SYT11: variants seen among roughly 807,000 people sequenced by gnomAD.
SYT11 encodes synaptotagmin 11, also known as synaptotagmin-11.
In SYT11, 12 loss-of-function variants were observed where a neutral mutation model predicts 30.4. That is an observed-to-expected ratio of 0.39 (90% CI 0.25 to 0.64). The LOEUF (loss-of-function observed/expected upper bound fraction) is 0.64, where lower values mean the gene tolerates loss of function less well. Among genes scored for constraint, SYT11 ranks in the 30% least tolerant of loss-of-function variants. SYT11 has a pLI of 0.45. For missense variants in SYT11, 412 were observed against 552.0 expected (o/e 0.75, Z 2.54); for synonymous variants, 204 against 216.0 (o/e 0.94, Z 0.49).
chr1:155,876,965 T>A (rs1324465761), intron 2 of SYT11, among the ~76,000 whole-genome samples: 2 of 8,686 alleles, frequency 2.3e-4, no homozygotes, highest in Non-Finnish European at 6.1e-3. Flanking sequence ...TTTCTATTTC[T>A]TTTTTTTTTT....
At position 155,879,610 on chromosome 1, in the gene SYT11, T is replaced by C. The variant is rs181230284; in HGVS notation, c.862-890T>C. ...TCACCCTGTGAAATGCAGGGACAGGTTCAGGGACTTGCCCAAGGACATGTG... is the reference window on the plus strand; with the variant it reads ...TCACCCTGTGAAATGCAGGGACAGGCTCAGGGACTTGCCCAAGGACATGTG... On this transcript the variant is annotated intron_variant, in intron 2 of 3. Transcript: ENST00000368324. 8.5e-5 allele frequency among the ~76,000 whole-genome samples: 13 copies of C among 152,176 alleles called. No homozygotes were observed. In the East Asian group the frequency reaches 2.5e-3, roughly 29 times the overall value.
At chr1:155,877,426 G>A (rs566682902) in intron 2 of SYT11, among the ~76,000 whole-genome samples, 1 of 151,960 alleles carries the variant, frequency 6.6e-6, no homozygotes, top group South Asian at 2.1e-4. Flanking sequence ...TTTTGACAGG[G>A]TCTCACTCTG....
At chr1:155,861,275 A>G (rs1418710465) in intron 1 of SYT11, among the ~76,000 whole-genome samples, 1 of 152,204 alleles carries the variant, frequency 6.6e-6, no homozygotes, top group Non-Finnish European at 1.5e-5. Context: ...TAAGTTTCCA[A>G]AACAAAAGTC....
In SYT11 at chr1:155,882,565, T is replaced by A. The variant is rs1231619190; in HGVS notation, c.*1057T>A. 6.6e-6 allele frequency: 1 copy of A among 152,362 alleles called. No homozygotes were observed. The highest frequency in any genetic ancestry group is 1.9e-4 in the East Asian group (1 of 5,340). 9.4% of individuals were successfully genotyped at this position (152,362 alleles called of 1,614,324 possible). A position where few individuals can be genotyped will look rare whatever the true frequency, so the allele number is the denominator to read the frequency against. On this transcript the variant is annotated 3_prime_UTR_variant, in exon 4 of 4. Coordinates refer to ENST00000368324, the MANE Select transcript of SYT11 (RefSeq NM_152280.5). ...ACAGAGAATACATCAGACTTATGCA[T>A]CCAAGACATCAGAACTTGGATTTTA... is the stretch of plus-strand genomic sequence containing the variant.
chr1:155,882,440 G>A lies in SYT11; in HGVS notation c.*932G>A, dbSNP rs928160850. Reference sequence around the variant, plus strand: ...GGGGTGGATGAGGCAAGGTTTGCAGGAGAAAGAGGAATTGAGAAATGGGGT... The same window carrying A: ...GGGGTGGATGAGGCAAGGTTTGCAGAAGAAAGAGGAATTGAGAAATGGGGT... On this transcript the variant is annotated 3_prime_UTR_variant, in exon 4 of 4. Transcript: ENST00000368324. 3 of 152,356 alleles carry A rather than the reference G, an allele frequency of 2.0e-5. No individual in the cohort carries two copies. Among genetic ancestry groups the A allele is most frequent in the African/African-American group, 7.2e-5 (3 of 41,440 alleles). 9.4% of individuals were successfully genotyped at this position (152,356 alleles called of 1,614,324 possible).
Position 155,881,539 on chromosome 1 carries a change from G to A in SYT11, c.*31G>A. On this transcript the variant is annotated 3_prime_UTR_variant, in exon 4 of 4. Coordinates refer to ENST00000368324, the MANE Select transcript of SYT11 (RefSeq NM_152280.5). Reference sequence around the variant, plus strand: ...TTCTTCTCTCCTCTAATCCCCGGGGGCCAAGCTGGGGAGGGATGTGGAGGG... The same window carrying A: ...TTCTTCTCTCCTCTAATCCCCGGGGACCAAGCTGGGGAGGGATGTGGAGGG... The A allele has an allele frequency of 6.4e-7, 1 of 1,552,168 alleles. No individual in the cohort carries two copies. Among genetic ancestry groups the A allele is most frequent in the Non-Finnish European group, 8.7e-7 (1 of 1,143,094 alleles).
In SYT11 at chr1:155,884,281, C is replaced by G. The variant is rs1557952687; in HGVS notation, c.*2773C>G. The G allele has an allele frequency of 6.5e-6, 1 of 152,994 alleles. No homozygotes were observed. Among genetic ancestry groups the G allele is most frequent in the Non-Finnish European group, 1.5e-5 (1 of 68,270 alleles). 9.5% of individuals were successfully genotyped at this position (152,994 alleles called of 1,614,324 possible). A position where few individuals can be genotyped will look rare whatever the true frequency, so the allele number is the denominator to read the frequency against. On this transcript the variant is annotated 3_prime_UTR_variant, in exon 4 of 4. Transcript: ENST00000368324. ...CAAACGTCTGGGAAAACAGCCTCAC[C>G]CCACTCTCCTCTCTCTTCCCCATTT...
intron 1 of SYT11, among the ~76,000 whole-genome samples, chr1:155,866,656 A>C (rs2102556291): frequency 1.3e-5 from 2 of 152,190 alleles, no homozygotes; most frequent in African/African-American, 4.8e-5. Flanking sequence ...TCAGAGAGCG[A>C]GAATGACGGC....
chr1:155,881,313 C>T lies in SYT11; in HGVS notation c.1101C>T (p.Ile367=). The change falls in exon 4 of 4, where the codon ATC becomes ATT. Residue 367 remains isoleucine, a synonymous_variant. Coordinates refer to ENST00000368324, the MANE Select transcript of SYT11 (RefSeq NM_152280.5). ...TCAATGAATCTTTCATCTACGACAT[C>T]CCCACTGACCTCCTGCCTGATATCA... is the stretch of plus-strand genomic sequence containing the variant. ...PIFNESFIYD[I]PTDLLPDISI... The T allele has an allele frequency of 6.2e-7, 1 of 1,614,194 alleles. No homozygotes were observed. Among genetic ancestry groups the T allele is most frequent in the South Asian group, 1.1e-5 (1 of 91,084 alleles).
Position 155,880,609 on chromosome 1 carries a change from C to T in SYT11, c.971C>T (p.Thr324Ile), listed in dbSNP as rs1489688520. The T allele has an allele frequency of 6.2e-7, 1 of 1,613,906 alleles. No homozygotes were observed. The highest frequency in any genetic ancestry group is 8.5e-7 in the Non-Finnish European group (1 of 1,179,936). ...AGACACTTGCCGAAGATGGATATCACCGGTCTCTCAGGTAGCAGCTATTTA... is the reference window on the plus strand; with the variant it reads ...AGACACTTGCCGAAGATGGATATCATCGGTCTCTCAGGTAGCAGCTATTTA... ...KARHLPKMDI[T>I]GLSGNPYVKV... The change falls in exon 3 of 4, where the codon ACC (threonine) becomes ATC (isoleucine). Residue 324 changes from threonine (T) to isoleucine (I), a missense_variant. Thr to Ile is a moderately conservative substitution (Grantham distance 89). Coordinates refer to ENST00000368324, the MANE Select transcript of SYT11 (RefSeq NM_152280.5).
rs764811206 is a variant in SYT11, at chr1:155,880,605, A to G, written c.967A>G (p.Ile323Val). The G allele has an allele frequency of 2.5e-6, 4 of 1,614,060 alleles. No homozygotes were observed. The highest frequency in any genetic ancestry group is 3.4e-6 in the Non-Finnish European group (4 of 1,179,948). The change falls in exon 3 of 4, where the codon ATC becomes GTC. Residue 323 changes from isoleucine to valine, a missense_variant. Physicochemically the swap from Ile to Val is conservative, Grantham distance 29. Transcript: ENST00000368324. The part of the protein sequence containing the change: ...LKARHLPKMD[I>V]TGLSGNPYVK... Reference sequence around the variant, plus strand: ...AGCCAGACACTTGCCGAAGATGGATATCACCGGTCTCTCAGGTAGCAGCTA... The same window carrying G: ...AGCCAGACACTTGCCGAAGATGGATGTCACCGGTCTCTCAGGTAGCAGCTA...
At chr1:155,875,566 A>G (rs1672847328) in intron 2 of SYT11, among the ~76,000 whole-genome samples, 1 of 151,842 alleles carries the variant, frequency 6.6e-6, no homozygotes, top group Non-Finnish European at 1.5e-5. Flanking sequence ...ATCATGCCCC[A>G]CTAATTTTTT....
intron 1 of SYT11, among the ~76,000 whole-genome samples, chr1:155,865,600 C>T (rs1035606535): frequency 2.6e-5 from 4 of 151,346 alleles, no homozygotes; most frequent in Non-Finnish European, 4.4e-5. Context: ...TGTACTTTAG[C>T]CTGGGCAACA....
chr1:155,871,520 G>C (rs1423603854), intron 2 of SYT11, among the ~76,000 whole-genome samples: 1 of 152,202 alleles, frequency 6.6e-6, no homozygotes, highest in Non-Finnish European at 1.5e-5. Context: ...GGAAGAGACT[G>C]GCAATGAAAG....
At chr1:155,863,962 T>C (rs1324471747) in intron 1 of SYT11, among the ~76,000 whole-genome samples, 2 of 151,994 alleles carry the variant, frequency 1.3e-5, no homozygotes, top group East Asian at 3.9e-4. Context: ...ATGCCTGTAG[T>C]CCTAGTTCCT....
At chr1:155,873,690 G>A (rs1397481491) in intron 2 of SYT11, among the ~76,000 whole-genome samples, 2 of 152,202 alleles carry the variant, frequency 1.3e-5, no homozygotes, top group Non-Finnish European at 2.9e-5. Context: ...GCACCATGCA[G>A]TGTGGTAGCT....
At chr1:155,876,483 T>A (rs1260819138) in intron 2 of SYT11, among the ~76,000 whole-genome samples, 1 of 151,910 alleles carries the variant, frequency 6.6e-6, no homozygotes, top group Non-Finnish European at 1.5e-5. Context: ...CCTGACCTCG[T>A]GATCCGTCCG....
intron 1 of SYT11, 102 bp downstream of exon 1, chr1:155,859,897 C>G: frequency 1.7e-6 from 2 of 1,148,552 alleles, no homozygotes; most frequent in Non-Finnish European, 2.6e-6. Context: ...CCAGAGCCTT[C>G]AAAATGCCAG....
At chr1:155,866,761 G>A (rs1672683424) in intron 1 of SYT11, among the ~76,000 whole-genome samples, 1 of 151,666 alleles carries the variant, frequency 6.6e-6, no homozygotes, top group Non-Finnish European at 1.5e-5. Context: ...GGCCTAAGAA[G>A]GTGACATTTG....
Sources: allele counts gnomAD v4.1 joint callset (sites outside exome capture counted in the v4.1 genomes callset), GRCh38; gene constraint gnomAD v4.1.1; transcripts MANE v1.5; gene names NCBI Gene and HGNC (gene_info 2026-07-23, HGNC 2026-07-21).